WWOX: variants seen among roughly 807,000 people sequenced by gnomAD.
WWOX encodes the protein WW domain-containing oxidoreductase.
A neutral mutation model predicts 46.2 loss-of-function variants in WWOX; 69 were observed. That is an observed-to-expected ratio of 1.49 (90% CI 1.23 to 1.82). The LOEUF (loss-of-function observed/expected upper bound fraction) is 1.82, where lower values mean the gene tolerates loss of function less well. Among genes scored for constraint, WWOX ranks in the 40% most tolerant of loss-of-function variants. The pLI is 0.00. For missense variants in WWOX, 919 were observed against 542.6 expected, an observed-to-expected ratio of 1.69 and a Z score of -6.89; for synonymous variants, 359 against 202.6, an observed-to-expected ratio of 1.77 and a Z score of -6.56.
intron 8 of WWOX, among the ~76,000 whole-genome samples, chr16:78,636,415 G>A (rs1349956362): frequency 6.6e-6 from 1 of 152,144 alleles, no homozygotes; most frequent in Non-Finnish European, 1.5e-5. Context: ...TACAGTAGAG[G>A]CATCCAGTTG....
chr16:78,496,289 G>C (rs771446175), intron 8 of WWOX: 22 of 152,172 alleles, frequency 1.4e-4, no homozygotes, highest in Admixed American at 2.0e-4. Flanking sequence ...AAAAAATCAA[G>C]CATATGTTTG....
intron 8 of WWOX, among the ~76,000 whole-genome samples, chr16:78,765,121 G>C (rs1364884525): frequency 1.3e-5 from 2 of 152,170 alleles, no homozygotes; most frequent in Non-Finnish European, 2.9e-5. Flanking sequence ...GGATGTGGTA[G>C]GGTGATGGTC....
At chr16:79,036,318 A>G (rs988147640) in intron 8 of WWOX, among the ~76,000 whole-genome samples, 1 of 152,192 alleles carries the variant, frequency 6.6e-6, no homozygotes, top group Admixed American at 6.5e-5. Flanking sequence ...TGGCTGAAAA[A>G]TCGAAAACTC....
intron 8 of WWOX, among the ~76,000 whole-genome samples, chr16:78,974,613 C>G (rs768011152): frequency 2.6e-5 from 4 of 152,144 alleles, no homozygotes; most frequent in Non-Finnish European, 5.9e-5. Context: ...TAGCACAAAC[C>G]TAAATATTAC....
intron 8 of WWOX, among the ~76,000 whole-genome samples, chr16:78,985,702 G>C (rs2046771172): frequency 1.3e-5 from 2 of 152,200 alleles, no homozygotes. Flanking sequence ...CCAAGAGATG[G>C]AGGTTGCAGT....
intron 8 of WWOX, among the ~76,000 whole-genome samples, chr16:78,821,796 TAGTC>T (rs748462763): frequency 6.6e-6 from 1 of 152,182 alleles, no homozygotes; most frequent in Non-Finnish European, 1.5e-5. Context: ...AGACACAAAA[TAGTC>T]AGCAAATACC....
At chr16:78,611,882 C>G (rs139760134) in intron 8 of WWOX, among the ~76,000 whole-genome samples, 1 of 152,310 alleles carries the variant, frequency 6.6e-6, no homozygotes, top group Non-Finnish European at 1.5e-5. Flanking sequence ...CATTGCTTCT[C>G]TCATTCCATT....
At chr16:79,188,035 C>T (rs998869522) in intron 8 of WWOX, among the ~76,000 whole-genome samples, 6 of 152,220 alleles carry the variant, frequency 3.9e-5, no homozygotes, top group Non-Finnish European at 7.3e-5. Context: ...ATTCCTTCTC[C>T]CACTTCCTGG....
intron 8 of WWOX, among the ~76,000 whole-genome samples, chr16:78,945,391 C>A (rs890528683): frequency 6.6e-6 from 1 of 152,130 alleles, no homozygotes; most frequent in Admixed American, 6.5e-5. Context: ...GTGAAATCCA[C>A]CCTTAGTTTT....
chr16:79,001,020 G>C (rs1425405241), intron 8 of WWOX, among the ~76,000 whole-genome samples: 1 of 152,190 alleles, frequency 6.6e-6, no homozygotes, highest in Non-Finnish European at 1.5e-5. Flanking sequence ...GCGAGTATTT[G>C]CAGAGTGAGT....
chr16:78,730,482 C>G (rs2048942800), intron 8 of WWOX, among the ~76,000 whole-genome samples: 1 of 152,018 alleles, frequency 6.6e-6, no homozygotes, highest in Non-Finnish European at 1.5e-5. Context: ...TTTTTTGAGA[C>G]AGAGTCTTGC....
intron 8 of WWOX, among the ~76,000 whole-genome samples, chr16:78,765,637 C>A (rs1245236551): frequency 6.6e-6 from 1 of 152,060 alleles, no homozygotes; most frequent in Non-Finnish European, 1.5e-5. Flanking sequence ...CGAGATTGTG[C>A]CACTGCACTG....
chr16:78,956,336 G>C (rs1035980742), intron 8 of WWOX, among the ~76,000 whole-genome samples: 1 of 152,012 alleles, frequency 6.6e-6, no homozygotes, highest in African/African-American at 2.4e-5. Context: ...TATATTTTTA[G>C]TGAAGGCGGA....
At chr16:78,261,566 GCATA>G (rs2079234210) in intron 5 of WWOX, among the ~76,000 whole-genome samples, 1 of 149,390 alleles carries the variant, frequency 6.7e-6, no homozygotes, top group African/African-American at 2.5e-5. Context: ...ATGTATTTTT[GCATA>G]TATACCTGCA....
chr16:78,382,769 C>T (rs1390358867), intron 5 of WWOX, among the ~76,000 whole-genome samples: 1 of 152,066 alleles, frequency 6.6e-6, no homozygotes, highest in Non-Finnish European at 1.5e-5. Flanking sequence ...TATATGAATA[C>T]ATACACATGA....
At chr16:78,994,134 C>G (rs894279465) in intron 8 of WWOX, among the ~76,000 whole-genome samples, 5 of 152,248 alleles carry the variant, frequency 3.3e-5, no homozygotes, top group African/African-American at 9.6e-5. Flanking sequence ...ATAAACCATC[C>G]GAGGGAAATT....
intron 8 of WWOX, among the ~76,000 whole-genome samples, chr16:79,151,907 T>G (rs1349910453): frequency 1.3e-5 from 2 of 152,208 alleles, no homozygotes. Context: ...TTTTGTTGTT[T>G]TAGCCATGAA....
intron 8 of WWOX, among the ~76,000 whole-genome samples, chr16:79,058,777 T>C (rs2048310142): frequency 6.6e-6 from 1 of 152,246 alleles, no homozygotes; most frequent in Non-Finnish European, 1.5e-5. Context: ...TATTATTTTA[T>C]TCTATACTAA....
chr16:78,843,820 T>C (rs551491821), intron 8 of WWOX, among the ~76,000 whole-genome samples: 188 of 152,228 alleles, frequency 1.2e-3, no homozygotes, highest in Non-Finnish European at 2.2e-3. Flanking sequence ...TTACTAACCT[T>C]CAGCACAATC....
Sources: gnomAD v4.1 joint callset for allele counts (sites outside exome capture counted in the v4.1 genomes callset) on GRCh38, gnomAD v4.1.1 for gene constraint, MANE v1.5 for transcripts, NCBI Gene and HGNC (gene_info 2026-07-23, HGNC 2026-07-21) for gene names.